PKIB: variants seen among roughly 807,000 people sequenced by gnomAD.
PKIB encodes the protein cAMP-dependent protein kinase inhibitor beta.
Under a neutral mutation model 4.5 loss-of-function variants are expected in PKIB, and 2 were observed. That is an observed-to-expected ratio of 0.44 (90% CI 0.18 to 1.39). The LOEUF (loss-of-function observed/expected upper bound fraction) is 1.39, where lower values mean the gene tolerates loss of function less well. PKIB is among the 40% of genes most tolerant of loss of function. The pLI is 0.27. For synonymous variants in PKIB, 38 were observed against 36.0 expected, an observed-to-expected ratio of 1.06 and a Z score of -0.20; for missense variants, 94 against 92.6, an observed-to-expected ratio of 1.02 and a Z score of -0.06.
At chr6:122,543,624 CCCA>C (rs1483004179) in intron 2 of PKIB, among the ~76,000 whole-genome samples, 3 of 151,894 alleles carry the variant, frequency 2.0e-5, no homozygotes, top group Non-Finnish European at 4.4e-5. Flanking sequence ...ACATAATCTA[CCCA>C]CCTCAGTCTC....
chr6:122,553,481 C>CTTTTTTGTTTTTT (rs1772746808), intron 2 of PKIB, among the ~76,000 whole-genome samples: 2 of 65,838 alleles, frequency 3.0e-5, no homozygotes, highest in Non-Finnish European at 5.5e-5. Flanking sequence ...CAAATATCTT[C>CTTTTTTGTTTTTT]TTTTTTTTTT....
chr6:122,502,650 A>T (rs560481534), intron 2 of PKIB, among the ~76,000 whole-genome samples: 1 of 152,092 alleles, frequency 6.6e-6, no homozygotes, highest in Non-Finnish European at 1.5e-5. Context: ...CCCTTCCTCA[A>T]CCTGTGGGGA....
chr6:122,661,928 A>G (rs368952760), intron 2 of PKIB, among the ~76,000 whole-genome samples: 21 of 152,310 alleles, frequency 1.4e-4, no homozygotes, highest in East Asian at 9.7e-4. Context: ...TTTAACTTGC[A>G]GTTCCCTAAT....
chr6:122,593,015 G>A (rs1774063712), intron 3 of PKIB, among the ~76,000 whole-genome samples: 1 of 152,132 alleles, frequency 6.6e-6, no homozygotes, highest in Non-Finnish European at 1.5e-5. Flanking sequence ...ATGTTTAGAG[G>A]TCACTGGCTT....
intron 3 of PKIB, among the ~76,000 whole-genome samples, chr6:122,675,436 T>G (rs1777633100): frequency 6.6e-6 from 1 of 152,212 alleles, no homozygotes. Flanking sequence ...TTTTTCCTTT[T>G]GTGAAGATAC....
chr6:122,701,448 T>G, intron 3 of PKIB: 1 of 1,582,462 alleles, frequency 6.3e-7, no homozygotes, highest in Middle Eastern at 1.7e-4. Flanking sequence ...AGGCTGAAGC[T>G]TCAGAGATCA....
intron 3 of PKIB, among the ~76,000 whole-genome samples, chr6:122,682,975 G>T (rs1304150352): frequency 6.6e-6 from 1 of 152,120 alleles, no homozygotes; most frequent in African/African-American, 2.4e-5. Flanking sequence ...CATTCACAAG[G>T]GTCCCCGGTT....
chr6:122,546,327 C>T (rs1227508047), intron 2 of PKIB, among the ~76,000 whole-genome samples: 1 of 151,642 alleles, frequency 6.6e-6, no homozygotes, highest in Non-Finnish European at 1.5e-5. Flanking sequence ...GTGCTCATCA[C>T]CAGATTACTC....
chr6:122,678,882 G>A (rs1171659896), intron 3 of PKIB, among the ~76,000 whole-genome samples: 1 of 152,180 alleles, frequency 6.6e-6, no homozygotes, highest in Non-Finnish European at 1.5e-5. Flanking sequence ...TGAAAATAGT[G>A]TATCTAAGTC....
intron 3 of PKIB, among the ~76,000 whole-genome samples, chr6:122,691,024 C>G (rs193102301): frequency 7.2e-4 from 109 of 151,176 alleles, no homozygotes; most frequent in African/African-American, 2.5e-3. Flanking sequence ...TCTCCCGGCC[C>G]TAAATTTTCC....
intron 3 of PKIB, among the ~76,000 whole-genome samples, chr6:122,708,855 A>G (rs1394843694): frequency 6.6e-6 from 1 of 151,602 alleles, no homozygotes; most frequent in Non-Finnish European, 1.5e-5. Context: ...CTGGTCTCAA[A>G]CTCCTGACCT....
At chr6:122,716,199 A>T (rs528426181) in intron 3 of PKIB, among the ~76,000 whole-genome samples, 2 of 152,320 alleles carry the variant, frequency 1.3e-5, no homozygotes, top group African/African-American at 4.8e-5. Context: ...CCTTATAGTT[A>T]CAAAGAGTTC....
chr6:122,576,713 TTC>T lies in PKIB; in HGVS notation c.-247-9206_-247-9205del, dbSNP rs1169791799. Among the ~76,000 whole-genome samples the T allele has an allele frequency of 4.4e-3, 576 of 129,952 alleles. 1 individual carries two copies. Among genetic ancestry groups the T allele is most frequent in the South Asian group, 6.6e-3 (28 of 4,266 alleles). 85.3% of individuals were successfully genotyped at this position (129,952 alleles called of 152,430 possible). On this transcript the variant is annotated intron_variant, in intron 2 of 6. Transcript: ENST00000392491. ...AAATATATATATATATATATATATT[TTC>T]TTTTGTATAATTATACCTCAGTAAA...
intron 3 of PKIB, among the ~76,000 whole-genome samples, chr6:122,694,811 G>A (rs1180982217): frequency 6.6e-6 from 1 of 152,158 alleles, no homozygotes; most frequent in Non-Finnish European, 1.5e-5. Context: ...TATTCAGGTC[G>A]AGGTGTACAT....
rs375928849 is a variant in PKIB, at chr6:122,569,893, G to A, written c.-247-16028G>A. On this transcript the variant is annotated intron_variant, in intron 2 of 6. Transcript: ENST00000392491. ...TTCTTACAGCAGAGACACAATTACA[G>A]TGCTGCTCTGAACCTCTATCCCAAC... Among the ~76,000 whole-genome samples the A allele has an allele frequency of 1.1e-4, 16 of 152,310 alleles. No homozygotes were observed. The South Asian group carries it at 1.7e-3, about 16-fold the overall frequency.
At chr6:122,614,513 G>A (rs1043310216) in intron 1 of PKIB, among the ~76,000 whole-genome samples, 1 of 152,120 alleles carries the variant, frequency 6.6e-6, no homozygotes, top group Non-Finnish European at 1.5e-5. Context: ...GGGGGTGTGG[G>A]AGTAAGCATC....
chr6:122,533,999 T>C (rs980670648), intron 2 of PKIB, among the ~76,000 whole-genome samples: 1 of 151,946 alleles, frequency 6.6e-6, no homozygotes, highest in African/African-American at 2.4e-5. Context: ...TCTACCCACT[T>C]ACCTCCTCTC....
chr6:122,489,124 A>G (rs1775862603), intron 2 of PKIB, among the ~76,000 whole-genome samples: 1 of 152,118 alleles, frequency 6.6e-6, no homozygotes, highest in African/African-American at 2.4e-5. Context: ...TAAAGTTTCT[A>G]CTTGTGTTAG....
At chr6:122,484,419 T>C (rs1180102175) in intron 2 of PKIB, among the ~76,000 whole-genome samples, 1 of 152,186 alleles carries the variant, frequency 6.6e-6, no homozygotes, top group Non-Finnish European at 1.5e-5. Flanking sequence ...ATCATTTTCG[T>C]CAACTCTTGG....
Sources: gnomAD v4.1 joint callset for allele counts (sites outside exome capture counted in the v4.1 genomes callset) on GRCh38, gnomAD v4.1.1 for gene constraint, MANE v1.5 for transcripts, NCBI Gene and HGNC (gene_info 2026-07-23, HGNC 2026-07-21) for gene names.